Variants in REV3L observed in about 807,000 individuals in gnomAD.
REV3L encodes the protein DNA polymerase zeta catalytic subunit.
REV3L carries 69 observed loss-of-function variants against 299.4 expected under a neutral mutation model. That is an observed-to-expected ratio of 0.23 (90% confidence interval 0.19 to 0.28). The LOEUF is 0.28. Ranked by LOEUF, REV3L falls within the 10% of genes least tolerant of loss-of-function variation. The probability of loss-of-function intolerance (pLI) is 1.00; values close to 1 mark genes in which losing one functional copy is unlikely to be tolerated. For synonymous variants in REV3L, 1,238 were observed against 1,271.4 expected (o/e 0.97, Z 0.56); for missense variants, 3,128 against 3,693.8 (o/e 0.85, Z 3.97).
Position 111,367,548 on chromosome 6 carries a change from T to C in REV3L, c.6240A>G (p.Pro2080=), listed in dbSNP as rs759217276. The C allele has an allele frequency of 6.2e-7, 1 of 1,613,396 alleles. No homozygotes were observed. Among genetic ancestry groups the C allele is most frequent in the South Asian group, 1.1e-5 (1 of 91,072 alleles). ...VDNSQIALQA[P]TTGCSQTASE... The stretch of plus-strand genomic sequence containing the variant: ...TTGCAGTTTGACTACATCCCGTGGT[T>C]GGTGCTTGTAAAGCAATCTGAGAAT... Residue 2080 remains proline, a synonymous_variant, in exon 14 of 32, where the codon CCA becomes CCG. Coordinates refer to ENST00000368802, the MANE Select transcript of REV3L (RefSeq NM_001372078.1).
intron 31 of REV3L, among the ~76,000 whole-genome samples, 163 bp from the exon 32 acceptor site, chr6:111,300,319 C>T (rs1343098334): frequency 6.6e-6 from 1 of 152,124 alleles, no homozygotes; most frequent in Non-Finnish European, 1.5e-5. Context: ...CCTAGACTAC[C>T]CTATGTTGAG....
Position 111,381,363 on chromosome 6 carries a change from T to A in REV3L, c.1178A>T (p.Gln393Leu). ...LNLMENSQTF[Q>L]PLTQRLSESP... ...CTCACTCAGTCTTTGGGTCAAAGGC[T>A]GAAAAGTCTGACTATTTTCCATAAG... The change falls in exon 10 of 32, where the codon CAG (glutamine) becomes CTG (leucine). Residue 393 changes from glutamine to leucine, a missense_variant. Physicochemically the swap from Gln to Leu is moderately radical, Grantham distance 113. Coordinates refer to ENST00000368802, the MANE Select transcript of REV3L (RefSeq NM_001372078.1). 2 of 1,613,736 alleles carry A rather than the reference T, an allele frequency of 1.2e-6. No homozygotes were observed. The highest frequency in any genetic ancestry group is 1.3e-5 in the African/African-American group (1 of 75,050).
chr6:111,443,517 A>G (rs1788512424), intron 1 of REV3L, among the ~76,000 whole-genome samples: 2 of 152,212 alleles, frequency 1.3e-5, no homozygotes, highest in Non-Finnish European at 2.9e-5. Flanking sequence ...TTACTTGCAG[A>G]TCAATCTGAT....
chr6:111,385,335 C>T (rs1158007939), intron 9 of REV3L, among the ~76,000 whole-genome samples: 1 of 151,722 alleles, frequency 6.6e-6, no homozygotes, highest in African/African-American at 2.4e-5. Flanking sequence ...ACATTGTATG[C>T]CTGTATAAAA....
At chr6:111,355,325 T>C (rs925677558) in intron 18 of REV3L, among the ~76,000 whole-genome samples, 15 of 152,156 alleles carry the variant, frequency 9.9e-5, no homozygotes, top group African/African-American at 2.9e-4. Flanking sequence ...TCTACCCATT[T>C]TACAGATTAG....
Position 111,373,160 on chromosome 6 carries a change from G to A in REV3L, c.5195C>T (p.Thr1732Ile). 1 of 1,614,052 alleles carries A rather than the reference G, an allele frequency of 6.2e-7. No individual in the cohort carries two copies. The highest frequency in any genetic ancestry group is 2.2e-5 in the East Asian group (1 of 44,876). ...TLSPEIFEKS[T>I]IDSNENRRHN... ...GCGACGATTCTCATTGCTATCTATG[G>A]TTGACTTCTCAAAAATTTCAGGACT... is the stretch of plus-strand genomic sequence containing the variant. The change falls in exon 13 of 32, where the codon ACC (threonine) becomes ATC (isoleucine). Residue 1732 changes from threonine to isoleucine, a missense_variant. This residue lies in a region of REV3L where 2,409 missense variants were observed against 2,611.8 expected (regional missense o/e 0.92). Coordinates refer to ENST00000368802, the MANE Select transcript of REV3L (RefSeq NM_001372078.1).
intron 1 of REV3L, chr6:111,430,504 C>T (rs1405591406): frequency 1.4e-5 from 22 of 1,550,392 alleles, no homozygotes; most frequent in South Asian, 1.1e-4. Flanking sequence ...CGGTTGCACT[C>T]GGGGATGAAA....
intron 6 of REV3L, 130 bp from the exon 7 acceptor site, chr6:111,389,340 T>C: frequency 1.4e-6 from 1 of 692,540 alleles, no homozygotes; most frequent in Non-Finnish European, 2.5e-6. Flanking sequence ...AGTGGACAAA[T>C]TATCCCAACC....
intron 1 of REV3L, among the ~76,000 whole-genome samples, chr6:111,470,979 C>CA (rs1792131378): frequency 6.6e-6 from 1 of 151,092 alleles, no homozygotes; most frequent in Admixed American, 6.6e-5. Context: ...GACTCTGTCT[C>CA]AAAAAAATAA....
chr6:111,362,931 C>T (rs1334501080), intron 16 of REV3L, among the ~76,000 whole-genome samples: 1 of 152,184 alleles, frequency 6.6e-6, no homozygotes, highest in East Asian at 1.9e-4. Context: ...ATGCTGCTAG[C>T]GGCTACCATA....
chr6:111,386,983 A>G (rs1354537475), intron 9 of REV3L, among the ~76,000 whole-genome samples: 3 of 152,094 alleles, frequency 2.0e-5, no homozygotes, highest in African/African-American at 7.2e-5. Flanking sequence ...CAGCCTCTCA[A>G]ATTGCTGAGA....
chr6:111,317,545 G>T (rs1180235183), intron 26 of REV3L, among the ~76,000 whole-genome samples: 1 of 152,124 alleles, frequency 6.6e-6, no homozygotes, highest in African/African-American at 2.4e-5. Flanking sequence ...GGAGTGCAGT[G>T]GCATAATCAT....
intron 16 of REV3L, 122 bp downstream of exon 16, chr6:111,363,731 A>C: frequency 1.2e-6 from 1 of 864,956 alleles, no homozygotes; most frequent in Non-Finnish European, 1.7e-6. Context: ...AACAAGATGA[A>C]GATTAATAGG....
intron 1 of REV3L, among the ~76,000 whole-genome samples, chr6:111,424,500 T>A (rs1307151418): frequency 6.6e-6 from 1 of 152,244 alleles, no homozygotes; most frequent in Non-Finnish European, 1.5e-5. Flanking sequence ...GAACACCAGA[T>A]GAATGCTAAA....
In REV3L at chr6:111,299,733, AAATG is replaced by A. The variant is rs1421550651; in HGVS notation, c.*279_*282del. On this transcript the variant is annotated 3_prime_UTR_variant, in exon 32 of 32. Coordinates refer to ENST00000368802, the MANE Select transcript of REV3L (RefSeq NM_001372078.1). ...ACTGGGAAGTAAACATGATCTACTC[AAATG>A]AATTTACAAGATGGTACACATACTG... 12 of 216,130 alleles carry A rather than the reference AAATG, an allele frequency of 5.6e-5. No homozygotes were observed. The highest frequency in any genetic ancestry group is 1.1e-4 in the Non-Finnish European group (12 of 110,276). 13.4% of individuals were successfully genotyped at this position (216,130 alleles called of 1,614,324 possible).
rs1168756396 is a variant in REV3L, at chr6:111,329,603, G to A, written c.8170C>T (p.Leu2724Phe). The A allele has an allele frequency of 1.9e-6, 3 of 1,614,014 alleles. No individual in the cohort carries two copies. Among genetic ancestry groups the A allele is most frequent in the Non-Finnish European group, 2.5e-6 (3 of 1,180,038 alleles). ...SRMLDARQLGLKLIANVTFGY... is the reference protein window; with the variant it reads ...SRMLDARQLGFKLIANVTFGY... The stretch of plus-strand genomic sequence containing the variant: ...AATGTGACATTTGCTATCAGCTTAA[G>A]TCCCAACTGACGCGCATCAAGCATT... The change falls in exon 25 of 32, where the codon CTT (leucine) becomes TTT (phenylalanine). Residue 2724 changes from leucine (L) to phenylalanine (F), a missense_variant. Transcript: ENST00000368802.
chr6:111,349,844 A>G (rs1482785615), intron 19 of REV3L, among the ~76,000 whole-genome samples: 1 of 152,204 alleles, frequency 6.6e-6, no homozygotes, highest in Admixed American at 6.5e-5. Context: ...TTCTCTGAAA[A>G]TTTGTTGACA....
intron 1 of REV3L, among the ~76,000 whole-genome samples, chr6:111,479,705 C>A (rs1484858614): frequency 6.6e-6 from 1 of 151,954 alleles, no homozygotes; most frequent in African/African-American, 2.4e-5. Flanking sequence ...TTGTTTTGTA[C>A]AGACTATGTC....
At chr6:111,469,933 A>G (rs1791978996) in intron 1 of REV3L, among the ~76,000 whole-genome samples, 1 of 152,230 alleles carries the variant, frequency 6.6e-6, no homozygotes, top group African/African-American at 2.4e-5. Flanking sequence ...ATAGGTGGTC[A>G]AAGAAGATTT....
Sources: gnomAD v4.1 joint callset for allele counts (sites outside exome capture counted in the v4.1 genomes callset) on GRCh38, gnomAD v4.1.1 for gene constraint, gnomAD v4.1.1 regional missense constraint, MANE v1.5 for transcripts, NCBI Gene and HGNC (gene_info 2026-07-23, HGNC 2026-07-21) for gene names.